The following ZBTB40 variants were observed in gnomAD, a reference collection of about 807,000 sequenced individuals.
The protein encoded by ZBTB40 is zinc finger and BTB domain-containing protein 40.
ZBTB40 carries 60 observed loss-of-function variants against 117.5 expected under a neutral mutation model. The observed-to-expected ratio is 0.51, with a 90% CI of 0.41 to 0.63. The LOEUF (loss-of-function observed/expected upper bound fraction) is 0.63. ZBTB40 is among the 30% of genes least tolerant of loss of function. The pLI is 0.00. For synonymous variants in ZBTB40, 525 were observed against 577.1 expected (o/e 0.91, Z 1.29); for missense variants, 1,287 against 1,498.5 (o/e 0.86, Z 2.33).
rs1639751185 is a variant in ZBTB40, at chr1:22,528,743, C to T, written c.*2347C>T. Reference sequence around the variant, plus strand: ...TAGAGACAGGGTCTCGCCATGTTGCCCAGGCTGGTTTAAAACTCCTGAGCT... The same window carrying T: ...TAGAGACAGGGTCTCGCCATGTTGCTCAGGCTGGTTTAAAACTCCTGAGCT... On this transcript the variant is annotated 3_prime_UTR_variant, in exon 18 of 18. Coordinates refer to ENST00000375647, the MANE Select transcript of ZBTB40 (RefSeq NM_014870.4). 6.6e-6 allele frequency: 1 copy of T among 151,686 alleles called. No homozygotes were observed. The highest frequency in any genetic ancestry group is 1.5e-5 in the Non-Finnish European group (1 of 68,004). 9.4% of individuals were successfully genotyped at this position (151,686 alleles called of 1,614,324 possible). A position where few individuals can be genotyped will look rare whatever the true frequency, so the allele number is the denominator to read the frequency against.
intron 3 of ZBTB40, among the ~76,000 whole-genome samples, chr1:22,495,389 GA>G (rs1158867159): frequency 3.9e-5 from 6 of 152,180 alleles, no homozygotes; most frequent in Non-Finnish European, 4.4e-5. Flanking sequence ...TTACGCATTA[GA>G]AAAGCAAGTA....
chr1:22,520,434 T>G (rs757172121), intron 14 of ZBTB40, among the ~76,000 whole-genome samples, 159 bp downstream of exon 14: 2 of 152,206 alleles, frequency 1.3e-5, no homozygotes, highest in Non-Finnish European at 2.9e-5. Flanking sequence ...TGATCCAGAT[T>G]CTCTAAGGAG....
At chr1:22,501,456 C>A (rs370127799) in intron 3 of ZBTB40, 36 bp from the exon 4 acceptor site, 2 of 1,611,328 alleles carry the variant, frequency 1.2e-6, no homozygotes, top group Non-Finnish European at 8.5e-7. Context: ...TCTTGTGGTT[C>A]GCTAATCTAT....
chr1:22,495,991 A>G (rs945713821), intron 3 of ZBTB40, among the ~76,000 whole-genome samples: 1 of 152,182 alleles, frequency 6.6e-6, no homozygotes, highest in African/African-American at 2.4e-5. Context: ...GGACGCTGGC[A>G]CTGGCATTTT....
At chr1:22,522,945 C>CAT (rs1639576855) in intron 16 of ZBTB40, among the ~76,000 whole-genome samples, 1 of 93,910 alleles carries the variant, frequency 1.1e-5, no homozygotes, top group Non-Finnish European at 2.1e-5. Flanking sequence ...TAAGATGTAC[C>CAT]TTTTTTTTTT....
Position 22,483,937 on chromosome 1 carries a change from G to T in ZBTB40, c.-69-5943G>T, listed in dbSNP as rs147547571. 4.4e-3 allele frequency among the ~76,000 whole-genome samples: 673 copies of T among 152,266 alleles called. 3 individuals carry two copies. Among genetic ancestry groups the T allele is most frequent in the Non-Finnish European group, 8.2e-3 (555 of 68,014 alleles). The stretch of plus-strand genomic sequence containing the variant: ...AGTTAATTTTTGTGAAGGGTGTAAG[G>T]TCTATGTCTAGATTCATTTTTTCGT... On this transcript the variant is annotated intron_variant, in intron 1 of 17. Transcript: ENST00000375647.
rs373539265 is a variant in ZBTB40, at chr1:22,508,596, C to T, written c.1564C>T (p.Leu522=). 3.7e-6 allele frequency: 6 copies of T among 1,614,188 alleles called. No homozygotes were observed. Among genetic ancestry groups the T allele is most frequent in the Non-Finnish European group, 5.1e-6 (6 of 1,180,034 alleles). ...GGFNSLISAV[L]EKQTLSATAI... The stretch of plus-strand genomic sequence containing the variant: ...TTTCAATTCTCTGATATCAGCAGTT[C>T]TAGAAAAGCAGACTCTCTCTGCCAC... The change falls in exon 8 of 18, where the codon CTA becomes TTA. Residue 522 remains leucine (L), a synonymous_variant. Transcript: ENST00000375647.
intron 1 of ZBTB40, among the ~76,000 whole-genome samples, chr1:22,439,392 C>T (rs1367392734): frequency 6.6e-6 from 1 of 152,020 alleles, no homozygotes; most frequent in East Asian, 1.9e-4. Context: ...GTGCCTTTGC[C>T]ATCATATTCA....
chr1:22,486,448 C>T (rs968189714), intron 1 of ZBTB40, among the ~76,000 whole-genome samples: 8 of 152,198 alleles, frequency 5.3e-5, no homozygotes, highest in African/African-American at 1.2e-4. Flanking sequence ...TTGTTAAAAA[C>T]AGAGTGCTCT....
At chr1:22,501,374 G>T in intron 3 of ZBTB40, 118 bp from the exon 4 acceptor site, 1 of 1,062,972 alleles carries the variant, frequency 9.4e-7, no homozygotes, top group South Asian at 1.3e-5. Flanking sequence ...CAGTGGGTGA[G>T]GAGCTTCAGG....
chr1:22,458,987 T>C lies in ZBTB40; in HGVS notation c.-70+6983T>C, dbSNP rs75506620. Among the ~76,000 whole-genome samples the C allele has an allele frequency of 2.8e-4, 43 of 152,366 alleles. No individual in the cohort carries two copies. The East Asian group carries it at 7.9e-3, about 28-fold the overall frequency. On this transcript the variant is annotated intron_variant, in intron 1 of 17. Transcript: ENST00000375647. ...TACCTAAACCCTTCTTCTCTGTTTC[T>C]CCTGTCTTGCTAACAAAGTATGCTG...
At chr1:22,488,282 C>T (rs1392709425) in intron 1 of ZBTB40, among the ~76,000 whole-genome samples, 2 of 152,120 alleles carry the variant, frequency 1.3e-5, no homozygotes, top group African/African-American at 4.8e-5. Context: ...CCTAATGGAG[C>T]TTACATTCTA....
At chr1:22,518,709 G>T (rs1639440598) in intron 13 of ZBTB40, among the ~76,000 whole-genome samples, 1 of 152,138 alleles carries the variant, frequency 6.6e-6, no homozygotes, top group African/African-American at 2.4e-5. Flanking sequence ...TGATGCAGGG[G>T]GAAAATAAAG....
At chr1:22,517,871 G>A (rs1469261932) in intron 13 of ZBTB40, among the ~76,000 whole-genome samples, 1 of 152,194 alleles carries the variant, frequency 6.6e-6, no homozygotes, top group Non-Finnish European at 1.5e-5. Context: ...ACCATCGTAA[G>A]TGAGCCTTGG....
intron 3 of ZBTB40, among the ~76,000 whole-genome samples, chr1:22,499,283 G>A (rs1028567681): frequency 3.9e-5 from 6 of 152,232 alleles, no homozygotes; most frequent in Non-Finnish European, 7.3e-5. Context: ...CAAGGGCAGA[G>A]AGAGAAAACA....
chr1:22,465,185 G>A (rs935780578), intron 1 of ZBTB40, among the ~76,000 whole-genome samples: 1 of 152,236 alleles, frequency 6.6e-6, no homozygotes, highest in African/African-American at 2.4e-5. Context: ...AAGCCCTGGA[G>A]AGGGTAGCTC....
intron 16 of ZBTB40, 118 bp from the exon 17 acceptor site, chr1:22,524,100 C>T (rs538984040): frequency 6.3e-5 from 60 of 959,206 alleles, no homozygotes; most frequent in Admixed American, 1.2e-4. Context: ...AATGTGGATC[C>T]GCCTCCAAGC....
chr1:22,506,848 G>A (rs1639088529), intron 6 of ZBTB40, among the ~76,000 whole-genome samples: 1 of 152,020 alleles, frequency 6.6e-6, no homozygotes, highest in Non-Finnish European at 1.5e-5. Flanking sequence ...CCAAATATAA[G>A]GAAGAAAACC....
intron 12 of ZBTB40, among the ~76,000 whole-genome samples, chr1:22,514,030 G>A (rs1402923691): frequency 2.6e-5 from 4 of 152,198 alleles, no homozygotes; most frequent in African/African-American, 4.8e-5. Context: ...CCCATAGCTT[G>A]TGGCCTGAAG....
Sources: gnomAD v4.1 joint callset for allele counts (sites outside exome capture counted in the v4.1 genomes callset) on GRCh38, gnomAD v4.1.1 for gene constraint, MANE v1.5 for transcripts, NCBI Gene and HGNC (gene_info 2026-07-23, HGNC 2026-07-21) for gene names.